SPPL3: variants seen among roughly 807,000 people sequenced by gnomAD.
The protein encoded by SPPL3 is signal peptide peptidase-like 3.
Under a neutral mutation model 42.4 loss-of-function variants are expected in SPPL3, and 5 were observed. The ratio of observed to expected loss-of-function variants is 0.12; its 90% CI spans 0.06 to 0.25. The LOEUF is 0.25. Among genes scored for constraint, SPPL3 ranks in the 10% least tolerant of loss-of-function variants. The pLI, the probability that SPPL3 is intolerant of heterozygous loss-of-function variation, is 1.00. For synonymous variants in SPPL3, 195 were observed against 181.8 expected (o/e 1.07, Z -0.58); for missense variants, 235 against 489.0 (o/e 0.48, Z 4.90).
In SPPL3 at chr12:120,764,638, T is replaced by C; in HGVS notation, c.*361A>G. 1 of 384,980 alleles carries C rather than the reference T, an allele frequency of 2.6e-6. No individual in the cohort carries two copies. Among genetic ancestry groups the C allele is most frequent in the Non-Finnish European group, 4.6e-6 (1 of 217,862 alleles). 23.8% of individuals were successfully genotyped at this position (384,980 alleles called of 1,614,324 possible). ...CTAATTTTTTTCATCCTTTTAGTGTTCAAAAGTTCTAGAAAGACTCCTCGC... is the reference window on the plus strand; with the variant it reads ...CTAATTTTTTTCATCCTTTTAGTGTCCAAAAGTTCTAGAAAGACTCCTCGC... On this transcript the variant is annotated 3_prime_UTR_variant, in exon 11 of 11. Coordinates refer to ENST00000353487, the MANE Select transcript of SPPL3 (RefSeq NM_139015.5).
At chr12:120,796,686 G>T (rs1195713580) in intron 2 of SPPL3, among the ~76,000 whole-genome samples, 5 of 152,102 alleles carry the variant, frequency 3.3e-5, no homozygotes, top group African/African-American at 1.2e-4. Flanking sequence ...TTATTAGGTG[G>T]GTCTGAAGCA....
intron 1 of SPPL3, among the ~76,000 whole-genome samples, chr12:120,859,353 A>G (rs1221509018): frequency 6.6e-6 from 1 of 152,240 alleles, no homozygotes; most frequent in Non-Finnish European, 1.5e-5. Context: ...CTCAACCTGT[A>G]CTGTGCTATG....
chr12:120,820,135 C>G (rs941173450), intron 1 of SPPL3, among the ~76,000 whole-genome samples: 1 of 152,032 alleles, frequency 6.6e-6, no homozygotes, highest in Non-Finnish European at 1.5e-5. Flanking sequence ...TTCTCACATG[C>G]AATTCTTACA....
At chr12:120,852,086 A>G (rs1872241974) in intron 1 of SPPL3, among the ~76,000 whole-genome samples, 1 of 44,968 alleles carries the variant, frequency 2.2e-5, no homozygotes, top group African/African-American at 6.1e-5. Context: ...TGAAGGTTAA[A>G]AATACTCTGT....
At chr12:120,840,828 G>T (rs964384516) in intron 1 of SPPL3, among the ~76,000 whole-genome samples, 1 of 151,346 alleles carries the variant, frequency 6.6e-6, no homozygotes, top group Non-Finnish European at 1.5e-5. Context: ...AGTGAGACCC[G>T]GTCTGAAAAA....
chr12:120,769,788 T>C (rs1414199723), intron 6 of SPPL3: 1 of 152,198 alleles, frequency 6.6e-6, no homozygotes, highest in Non-Finnish European at 1.5e-5. Context: ...TGACCTCAGG[T>C]GATCCACCTG....
At chr12:120,889,342 CA>C (rs1217076545) in intron 1 of SPPL3, among the ~76,000 whole-genome samples, 1 of 152,172 alleles carries the variant, frequency 6.6e-6, no homozygotes, top group African/African-American at 2.4e-5. Flanking sequence ...ATTCCTTAGC[CA>C]TATGATTTTG....
chr12:120,766,338 G>A lies in SPPL3; in HGVS notation c.1008C>T (p.His336=). The A allele has an allele frequency of 6.3e-7, 1 of 1,599,064 alleles. No individual in the cohort carries two copies. The highest frequency in any genetic ancestry group is 1.1e-5 in the South Asian group (1 of 88,054). The change falls in exon 10 of 11, where the codon CAC becomes CAT. Residue 336 remains histidine, a synonymous_variant. Coordinates refer to ENST00000353487, the MANE Select transcript of SPPL3 (RefSeq NM_139015.5). The part of the protein sequence containing the change: ...LLTATVASRI[H]RAAQPALLYL... ...AGAGAAGGGCGGGCTGGGCGGCCCG[G>A]TGAATGCGAGACGCCACAGTAGCAG...
At chr12:120,819,860 C>T (rs1848985319) in intron 1 of SPPL3, among the ~76,000 whole-genome samples, 1 of 152,248 alleles carries the variant, frequency 6.6e-6, no homozygotes, top group East Asian at 1.9e-4. Flanking sequence ...TGGAGAACAC[C>T]ATGATTACCA....
chr12:120,814,538 A>G (rs1870801064), intron 1 of SPPL3, among the ~76,000 whole-genome samples: 1 of 152,200 alleles, frequency 6.6e-6, no homozygotes, highest in Admixed American at 6.5e-5. Flanking sequence ...TTGCTGTGTG[A>G]CATAATCTTT....
intron 1 of SPPL3, among the ~76,000 whole-genome samples, chr12:120,814,843 T>G (rs376850552): frequency 6.6e-6 from 1 of 152,208 alleles, no homozygotes. Context: ...TTAAATATAC[T>G]GCTCAGTATC....
intron 1 of SPPL3, among the ~76,000 whole-genome samples, chr12:120,864,663 T>C (rs1050791137): frequency 1.3e-5 from 2 of 152,246 alleles, no homozygotes; most frequent in African/African-American, 4.8e-5. Context: ...AACCATAGTT[T>C]ATTAGTTATT....
At chr12:120,851,305 T>G (rs1010041085) in intron 1 of SPPL3, among the ~76,000 whole-genome samples, 3 of 152,144 alleles carry the variant, frequency 2.0e-5, no homozygotes, top group Non-Finnish European at 4.4e-5. Flanking sequence ...ATCACTGGCC[T>G]TTGGCCTCTC....
At chr12:120,783,617 T>C in intron 5 of SPPL3, 57 bp downstream of exon 5, 1 of 1,475,022 alleles carries the variant, frequency 6.8e-7, no homozygotes. Flanking sequence ...TGCTATCAAA[T>C]ATGACAGAAA....
At chr12:120,835,176 C>A (rs531420104) in intron 1 of SPPL3, among the ~76,000 whole-genome samples, 1 of 152,036 alleles carries the variant, frequency 6.6e-6, no homozygotes, top group African/African-American at 2.4e-5. Flanking sequence ...CTCCACAGAT[C>A]GACAGTGCAT....
chr12:120,801,037 G>A (rs535862378), intron 2 of SPPL3, among the ~76,000 whole-genome samples: 29 of 152,206 alleles, frequency 1.9e-4, no homozygotes, highest in Admixed American at 3.9e-4. Flanking sequence ...TATTTCAGAT[G>A]GTTTTCAGAA....
At position 120,767,488 on chromosome 12, in the gene SPPL3, A is replaced by G. The variant is rs1351128886; in HGVS notation, c.879T>C (p.Ser293=). 1.2e-6 allele frequency: 2 copies of G among 1,614,190 alleles called. No individual in the cohort carries two copies. The highest frequency in any genetic ancestry group is 2.2e-5 in the East Asian group (1 of 44,884). The change falls in exon 9 of 11, where the codon AGT becomes AGC. Residue 293 remains serine, a synonymous_variant. Transcript: ENST00000353487. The part of the protein sequence containing the change: ...LRYDNYKKQA[S]GDSCGAPGPA... ...GTCCAGGGGCCCCACAGGAGTCCCC[A>G]CTGGCTTGCTTTTTGTAGTTGTCAT...
chr12:120,847,273 A>G (rs1247314305), intron 1 of SPPL3, among the ~76,000 whole-genome samples: 1 of 152,058 alleles, frequency 6.6e-6, no homozygotes, highest in African/African-American at 2.4e-5. Context: ...GGAAACATGA[A>G]TTCAGTTTAT....
chr12:120,892,984 GA>G (rs11373013), intron 1 of SPPL3, among the ~76,000 whole-genome samples: 110 of 126,082 alleles, frequency 8.7e-4, no homozygotes, highest in African/African-American at 2.6e-3. Flanking sequence ...TCTGTCTCGG[GA>G]AAAAAAAAAA....
Sources: allele counts gnomAD v4.1 joint callset (sites outside exome capture counted in the v4.1 genomes callset), GRCh38; gene constraint gnomAD v4.1.1; transcripts MANE v1.5; gene names NCBI Gene and HGNC (gene_info 2026-07-23, HGNC 2026-07-21).